Variants in FHIT observed in about 807,000 individuals in gnomAD.
FHIT encodes fragile histidine triad diadenosine triphosphatase, also known as bis(5'-adenosyl)-triphosphatase.
A neutral mutation model predicts 17.9 loss-of-function variants in FHIT; 19 were observed. The ratio of observed to expected loss-of-function variants is 1.06; its 90% CI spans 0.74 to 1.56. FHIT has a LOEUF of 1.56. Among genes scored for constraint, FHIT ranks in the 40% most tolerant of loss-of-function variants. The probability of loss-of-function intolerance (pLI) is 0.00; values close to 1 mark genes in which losing one functional copy is unlikely to be tolerated. For missense variants in FHIT, 248 were observed against 189.2 expected, an observed-to-expected ratio of 1.31 and a Z score of -1.82; for synonymous variants, 81 against 69.7, an observed-to-expected ratio of 1.16 and a Z score of -0.81.
intron 2 of FHIT, among the ~76,000 whole-genome samples, chr3:61,130,898 T>A (rs1430539206): frequency 1.3e-5 from 2 of 152,214 alleles, no homozygotes; most frequent in African/African-American, 4.8e-5. Flanking sequence ...GTTTCATGAT[T>A]CTCATTATTA....
chr3:61,056,164 G>A (rs1056529263), intron 2 of FHIT, among the ~76,000 whole-genome samples: 2 of 152,200 alleles, frequency 1.3e-5, no homozygotes, highest in South Asian at 2.1e-4. Flanking sequence ...GCTCACGCCT[G>A]TAATCCCAGC....
chr3:61,022,812 G>A (rs528268694), intron 3 of FHIT, among the ~76,000 whole-genome samples: 2 of 151,968 alleles, frequency 1.3e-5, no homozygotes, highest in Non-Finnish European at 2.9e-5. Context: ...TGCTAAAAAC[G>A]CTCAATAAAC....
intron 8 of FHIT, among the ~76,000 whole-genome samples, chr3:59,875,474 A>G (rs956967990): frequency 1.3e-5 from 2 of 152,196 alleles, no homozygotes; most frequent in Non-Finnish European, 2.9e-5. Flanking sequence ...CTCTGGGTCT[A>G]TAATCTTTGT....
intron 5 of FHIT, among the ~76,000 whole-genome samples, chr3:60,492,836 A>T (rs952820404): frequency 1.3e-5 from 2 of 152,142 alleles, no homozygotes; most frequent in South Asian, 2.1e-4. Context: ...AGTAAAAGCC[A>T]TGTGCACAAA....
chr3:60,046,907 G>C (rs560841569), intron 5 of FHIT, among the ~76,000 whole-genome samples: 16 of 152,078 alleles, frequency 1.1e-4, no homozygotes, highest in African/African-American at 3.9e-4. Flanking sequence ...TCCCTTTTAC[G>C]CATTACAAGA....
In FHIT at chr3:60,167,558, G is replaced by A. The variant is rs371260241; in HGVS notation, c.104-153406C>T. 2.0e-5 allele frequency among the ~76,000 whole-genome samples: 3 copies of A among 152,280 alleles called. No homozygotes were observed. The South Asian group carries it at 6.2e-4, about 32-fold the overall frequency. On this transcript the variant is annotated intron_variant, in intron 5 of 9. Coordinates refer to ENST00000492590, the MANE Select transcript of FHIT (RefSeq NM_002012.4). ...AGGACTTAGAGGATAACTGGGCATT[G>A]CAATAATTGTGAAGGAAGATGCTTA...
chr3:61,010,101 C>T (rs2031702956), intron 3 of FHIT, among the ~76,000 whole-genome samples: 1 of 152,090 alleles, frequency 6.6e-6, no homozygotes, highest in Admixed American at 6.5e-5. Context: ...ATAATCACAT[C>T]ACCTGAAGCA....
At chr3:60,369,481 A>G (rs1041245208) in intron 5 of FHIT, among the ~76,000 whole-genome samples, 1 of 152,150 alleles carries the variant, frequency 6.6e-6, no homozygotes, top group African/African-American at 2.4e-5. Flanking sequence ...CACTTGTATA[A>G]TAATTATGAA....
chr3:59,762,335 T>C (rs937366945), intron 8 of FHIT, among the ~76,000 whole-genome samples: 2 of 152,194 alleles, frequency 1.3e-5, no homozygotes, highest in Non-Finnish European at 2.9e-5. Context: ...ACTACTGTAG[T>C]AGGTTTTCAA....
At chr3:59,953,204 C>G (rs1316771845) in intron 7 of FHIT, among the ~76,000 whole-genome samples, 1 of 151,934 alleles carries the variant, frequency 6.6e-6, no homozygotes, top group Non-Finnish European at 1.5e-5. Context: ...TTCTCTGCAT[C>G]TGTCCCTGTC....
At chr3:60,744,263 C>CAAAAAAAAAAA (rs1201886354) in intron 4 of FHIT, among the ~76,000 whole-genome samples, 1 of 85,980 alleles carries the variant, frequency 1.2e-5, no homozygotes, top group African/African-American at 4.7e-5. Flanking sequence ...AAAAACAAAA[C>CAAAAAAAAAAA]AAAACAAAAA....
intron 4 of FHIT, among the ~76,000 whole-genome samples, chr3:60,612,688 C>T (rs1203506912): frequency 1.3e-5 from 2 of 152,184 alleles, no homozygotes; most frequent in Non-Finnish European, 2.9e-5. Flanking sequence ...TATCATTCAT[C>T]TCTGGCTAGA....
chr3:60,504,305 G>C (rs1365825616), intron 5 of FHIT, among the ~76,000 whole-genome samples: 3 of 151,912 alleles, frequency 2.0e-5, no homozygotes, highest in Admixed American at 1.3e-4. Context: ...ATGGTGGCAC[G>C]CGCCTGTAAT....
At chr3:60,939,006 T>C (rs1169345927) in intron 3 of FHIT, among the ~76,000 whole-genome samples, 3 of 152,234 alleles carry the variant, frequency 2.0e-5, no homozygotes, top group African/African-American at 7.2e-5. Flanking sequence ...TTTCAGTCTG[T>C]TTCTATGTAT....
intron 2 of FHIT, among the ~76,000 whole-genome samples, chr3:61,052,920 A>G (rs1337445963): frequency 6.6e-6 from 1 of 152,226 alleles, no homozygotes; most frequent in Non-Finnish European, 1.5e-5. Context: ...GATATCAGAC[A>G]TAGGTTCCAA....
chr3:60,748,910 C>G (rs2108026604), intron 4 of FHIT, among the ~76,000 whole-genome samples: 1 of 152,188 alleles, frequency 6.6e-6, no homozygotes, highest in Middle Eastern at 3.4e-3. Flanking sequence ...GCAATAATGA[C>G]AAGAGAAAAA....
intron 2 of FHIT, among the ~76,000 whole-genome samples, chr3:61,105,120 T>C (rs1448309131): frequency 6.6e-6 from 1 of 152,162 alleles, no homozygotes; most frequent in East Asian, 1.9e-4. Flanking sequence ...AGTGATGTGA[T>C]TGTCTGGAGA....
At position 60,499,071 on chromosome 3, in the gene FHIT, C is replaced by G. The variant is rs1979076; in HGVS notation, c.103+37789G>C. On this transcript the variant is annotated intron_variant, in intron 5 of 9. Coordinates refer to ENST00000492590, the MANE Select transcript of FHIT (RefSeq NM_002012.4). ...TAAATGCTTCATAGTGTTTGCTTTG[C>G]TTCGAGATTCCATGAGTGACCAAGG... Among the ~76,000 whole-genome samples, 708 of 152,066 alleles carry G rather than the reference C, an allele frequency of 4.7e-3. 9 individuals carry two copies. Among genetic ancestry groups the G allele is most frequent in the Non-Finnish European group, 5.6e-3 (378 of 68,002 alleles).
At chr3:60,603,318 T>G (rs2107716630) in intron 4 of FHIT, among the ~76,000 whole-genome samples, 1 of 152,304 alleles carries the variant, frequency 6.6e-6, no homozygotes, top group African/African-American at 2.4e-5. Flanking sequence ...TTTCTTTTTC[T>G]TCTGTTAAAT....
Sources: gnomAD v4.1 joint callset for allele counts (sites outside exome capture counted in the v4.1 genomes callset) on GRCh38, gnomAD v4.1.1 for gene constraint, MANE v1.5 for transcripts, NCBI Gene and HGNC (gene_info 2026-07-23, HGNC 2026-07-21) for gene names.